The following GATAD2A variants were observed in gnomAD, a reference collection of about 807,000 sequenced individuals.
GATAD2A encodes the protein transcriptional repressor p66-alpha.
A neutral mutation model predicts 68.5 loss-of-function variants in GATAD2A; 12 were observed. The ratio of observed to expected loss-of-function variants is 0.18; its 90% CI spans 0.11 to 0.28. The LOEUF is 0.28. Ranked by LOEUF, GATAD2A falls within the 10% of genes least tolerant of loss-of-function variation. The pLI is 1.00. For missense variants in GATAD2A, 755 were observed against 868.5 expected (o/e 0.87, Z 1.64); for synonymous variants, 410 against 375.3 (o/e 1.09, Z -1.07).
At chr19:19,430,989 G>C (rs1005607721) in intron 1 of GATAD2A, among the ~76,000 whole-genome samples, 1 of 139,954 alleles carries the variant, frequency 7.1e-6, no homozygotes, top group African/African-American at 2.5e-5. Flanking sequence ...GTGTGTGTGT[G>C]TGTGTGTGTG....
chr19:19,424,257 T>A (rs1323543492), intron 1 of GATAD2A, among the ~76,000 whole-genome samples: 1 of 151,652 alleles, frequency 6.6e-6, no homozygotes, highest in Admixed American at 6.6e-5. Flanking sequence ...TGATACAGGG[T>A]CTTGCTCTGT....
chr19:19,453,298 A>T (rs2056579505), intron 1 of GATAD2A, among the ~76,000 whole-genome samples: 4 of 152,156 alleles, frequency 2.6e-5, no homozygotes. Flanking sequence ...AATTGAGTTT[A>T]TAGCATGTAA....
At chr19:19,503,215 G>GCCAA (rs1457008158) in intron 11 of GATAD2A, among the ~76,000 whole-genome samples, 1 of 152,220 alleles carries the variant, frequency 6.6e-6, no homozygotes, top group African/African-American at 2.4e-5. Flanking sequence ...GTCAGGAAGG[G>GCCAA]CCAAGTTAAG....
At chr19:19,496,314 T>A in intron 7 of GATAD2A, 95 bp downstream of exon 7, 1 of 1,147,118 alleles carries the variant, frequency 8.7e-7, no homozygotes, top group Non-Finnish European at 1.3e-6. Context: ...AGTGTTTCCC[T>A]GGGCTGTGTG....
chr19:19,402,741 A>G (rs1600002080), upstream of GATAD2A: 1 of 148,506 alleles, frequency 6.7e-6, no homozygotes, highest in African/African-American at 2.5e-5. Flanking sequence ...AACGGCTATC[A>G]CTAAGGGTTT....
intron 1 of GATAD2A, among the ~76,000 whole-genome samples, chr19:19,418,675 A>G (rs2147224035): frequency 6.6e-6 from 1 of 152,298 alleles, no homozygotes; most frequent in South Asian, 2.1e-4. Context: ...TGAAACAACC[A>G]CATGAATTAT....
Position 19,394,279 on chromosome 19 carries a change from G to A in GATAD2A, c.-7+8141G>A, listed in dbSNP as rs902998474. Among the ~76,000 whole-genome samples, 21 of 152,116 alleles carry A rather than the reference G, an allele frequency of 1.4e-4. No homozygotes were observed. The East Asian group carries it at 3.3e-3, about 24-fold the overall frequency. ...TGCATATTACACTAAGTGATAAACC[G>A]CTCTAAAAGCCCTTCCCTTGTTGAA... On this transcript the variant is annotated intron_variant, in intron 1 of 11. Transcript: ENST00000360315.
intron 1 of GATAD2A, among the ~76,000 whole-genome samples, chr19:19,410,008 C>T (rs1403581364): frequency 2.6e-5 from 4 of 152,178 alleles, no homozygotes; most frequent in Admixed American, 1.3e-4. Context: ...ACGAAACCCT[C>T]TAGGTGTGGG....
intron 5 of GATAD2A, 97 bp from the exon 6 acceptor site, chr19:19,495,657 T>G (rs926486344): frequency 2.0e-5 from 14 of 699,756 alleles, no homozygotes; most frequent in Non-Finnish European, 2.7e-5. Flanking sequence ...AAAAAAAAAC[T>G]AGTATGTACT....
chr19:19,405,673 C>T (rs914198041), upstream of GATAD2A: 1 of 151,918 alleles, frequency 6.6e-6, no homozygotes, highest in African/African-American at 2.4e-5. Context: ...CCCTCGGTCG[C>T]CACGCCCCGC....
rs565494674 is a variant in GATAD2A, at chr19:19,414,630, C to T, written c.-7+8611C>T. Among the ~76,000 whole-genome samples, 4 of 146,198 alleles carry T rather than the reference C, an allele frequency of 2.7e-5. No individual in the cohort carries two copies. The South Asian group carries it at 6.6e-4, about 24-fold the overall frequency. ...TCGGCTCACTGCAACCTCTGCATCA[C>T]GGTTCAAGCGATTCTTGTGCCTCAT... On this transcript the variant is annotated intron_variant, in intron 1 of 11. Coordinates refer to ENST00000683918, the MANE Select transcript of GATAD2A (RefSeq NM_001384528.1).
At chr19:19,403,896 C>T (rs145173419), upstream of GATAD2A, among the ~76,000 whole-genome samples, 3 of 152,254 alleles carry the variant, frequency 2.0e-5, no homozygotes, top group East Asian at 1.9e-4. Context: ...ATTCCTATAC[C>T]GAGTCACCTG....
chr19:19,471,796 T>C (rs551477812), intron 2 of GATAD2A, among the ~76,000 whole-genome samples: 3 of 152,004 alleles, frequency 2.0e-5, no homozygotes, highest in Non-Finnish European at 1.5e-5. Context: ...GTGAGTCTGT[T>C]GGTTTTGTGA....
chr19:19,501,207 G>C lies in GATAD2A; in HGVS notation c.1294G>C (p.Glu432Gln). ...KTDFTCRWRE[E>Q]KSGAIMCENC... The stretch of plus-strand genomic sequence containing the variant: ...GGACTTCACGTGCCGCTGGCGGGAG[G>C]AGAAGAGCGGCGCCATCATGTGTGA... Residue 432 changes from glutamate to glutamine, a missense_variant, in exon 9 of 12, where the codon GAG (glutamate) becomes CAG (glutamine). Physicochemically the swap from Glu to Gln is conservative, Grantham distance 29. Transcript: ENST00000683918. The C allele has an allele frequency of 2.5e-6, 4 of 1,613,098 alleles. No individual in the cohort carries two copies. The highest frequency in any genetic ancestry group is 2.5e-6 in the Non-Finnish European group (3 of 1,179,594).
chr19:19,428,043 G>A (rs1279321878), intron 1 of GATAD2A: 1 of 152,154 alleles, frequency 6.6e-6, no homozygotes, highest in Admixed American at 6.5e-5. Context: ...CTTTAATACA[G>A]CAGTGTGTTG....
chr19:19,438,450 C>T (rs1358737388), intron 1 of GATAD2A, among the ~76,000 whole-genome samples: 1 of 152,208 alleles, frequency 6.6e-6, no homozygotes, highest in Non-Finnish European at 1.5e-5. Flanking sequence ...CCACAGCCAG[C>T]CCAGGGAAGT....
chr19:19,485,228 T>G (rs2059355226), intron 2 of GATAD2A, among the ~76,000 whole-genome samples: 1 of 152,274 alleles, frequency 6.6e-6, no homozygotes, highest in Non-Finnish European at 1.5e-5. Context: ...GGAGTTACAG[T>G]GATATGGGTT....
Position 19,505,544 on chromosome 19 carries a change from T to A in GATAD2A, c.*70T>A. ...TGGCCCCTGGTCTAGAAGGACCCAC[T>A]GCACCACCCTCCGCTGGCTCGGGAA... On this transcript the variant is annotated 3_prime_UTR_variant, in exon 12 of 12. Coordinates refer to ENST00000683918, the MANE Select transcript of GATAD2A (RefSeq NM_001384528.1). 5.9e-6 allele frequency: 8 copies of A among 1,364,912 alleles called. No individual in the cohort carries two copies. Among genetic ancestry groups the A allele is most frequent in the Non-Finnish European group, 7.9e-6 (8 of 1,010,958 alleles). The allele number at this position is 1,364,912 out of a possible 1,614,324, so 84.6% of individuals were successfully genotyped here. A position where few individuals can be genotyped will look rare whatever the true frequency, so the allele number is the denominator to read the frequency against.
intron 1 of GATAD2A, among the ~76,000 whole-genome samples, chr19:19,455,576 C>T (rs535068822): frequency 9.5e-4 from 144 of 152,132 alleles, no homozygotes; most frequent in Non-Finnish European, 1.3e-3. Flanking sequence ...TATAGTATAA[C>T]AGCTGTTTAT....
Sources: allele counts gnomAD v4.1 joint callset (sites outside exome capture counted in the v4.1 genomes callset), GRCh38; gene constraint gnomAD v4.1.1; transcripts MANE v1.5; gene names NCBI Gene and HGNC (gene_info 2026-07-23, HGNC 2026-07-21).